SHISA9: variants seen among roughly 807,000 people sequenced by gnomAD.
SHISA9 encodes protein shisa-9.
In SHISA9, 13 loss-of-function variants were observed where a neutral mutation model predicts 38.0. The observed-to-expected ratio is 0.34, with a 90% CI of 0.22 to 0.54. The LOEUF (loss-of-function observed/expected upper bound fraction) is 0.54. Among genes scored for constraint, SHISA9 ranks in the 20% least tolerant of loss-of-function variants. SHISA9 has a pLI of 0.91. For missense variants in SHISA9, 538 were observed against 575.8 expected, an observed-to-expected ratio of 0.93 and a Z score of 0.67; for synonymous variants, 275 against 242.0, an observed-to-expected ratio of 1.14 and a Z score of -1.27.
intron 2 of SHISA9, among the ~76,000 whole-genome samples, chr16:13,001,918 G>C (rs775731094): frequency 1.3e-5 from 2 of 152,198 alleles, no homozygotes; most frequent in South Asian, 4.1e-4. Context: ...AATGTTAAAT[G>C]TGGAAGTTAG....
At position 12,942,506 on chromosome 16, in the gene SHISA9, T is replaced by A. The variant is rs944387180; in HGVS notation, c.691+25691T>A. On this transcript the variant is annotated intron_variant, in intron 2 of 4. Coordinates refer to ENST00000558583, the MANE Select transcript of SHISA9 (RefSeq NM_001145204.3). The stretch of plus-strand genomic sequence containing the variant: ...ATGCTCTGAACAGCAGCCTTATACA[T>A]CCCATTATTGAATTCGCTGCAAAGT... 2.0e-5 allele frequency among the ~76,000 whole-genome samples: 3 copies of A among 152,158 alleles called. No homozygotes were observed. In the East Asian group the frequency reaches 5.8e-4, roughly 29 times the overall value.
the SHISA9 span, among the ~76,000 whole-genome samples, chr16:13,305,879 A>G: frequency 1.3e-5 from 2 of 152,256 alleles, no homozygotes; most frequent in African/African-American, 4.8e-5. Flanking sequence ...ATAGACAATC[A>G]ATACAGTAAT....
chr16:13,049,158 G>GTA lies in SHISA9; in HGVS notation c.691+132344_691+132345insAT, dbSNP rs1380321370. On this transcript the variant is annotated intron_variant, in intron 2 of 4. Coordinates refer to ENST00000558583, the MANE Select transcript of SHISA9 (RefSeq NM_001145204.3). ...CATTCTAAGCTTTGGTTAGGAGTAT[G>GTA]TGTGTGTGTGTGTGTGTGTGTGTGT... is the stretch of plus-strand genomic sequence containing the variant. Among the ~76,000 whole-genome samples, 3 of 3,236 alleles carry GTA rather than the reference G, an allele frequency of 9.3e-4. No homozygotes were observed. The Admixed American group carries it at 0.011, about 12-fold the overall frequency. 2.1% of individuals were successfully genotyped at this position (3,236 alleles called of 152,430 possible). A position where few individuals can be genotyped will look rare whatever the true frequency, so the allele number is the denominator to read the frequency against.
chr16:13,143,997 G>A (rs770267909), intron 2 of SHISA9, among the ~76,000 whole-genome samples: 12 of 152,262 alleles, frequency 7.9e-5, no homozygotes, highest in African/African-American at 2.4e-4. Flanking sequence ...AATAAACTCA[G>A]TTGGTTAAAT....
At chr16:13,503,687 C>CAAA in the SHISA9 span, among the ~76,000 whole-genome samples, 195 of 148,298 alleles carry the variant, frequency 1.3e-3, no homozygotes, top group South Asian at 5.8e-3. Flanking sequence ...AAGGAGTGAC[C>CAAA]AAAAAAAAAA....
the SHISA9 span, among the ~76,000 whole-genome samples, chr16:13,266,699 T>C: frequency 6.6e-6 from 1 of 152,150 alleles, no homozygotes; most frequent in South Asian, 2.1e-4. Flanking sequence ...CTGGGGACCC[T>C]GCTGGAGGAG....
At chr16:12,935,367 G>A (rs1444454287) in intron 2 of SHISA9, among the ~76,000 whole-genome samples, 2 of 152,144 alleles carry the variant, frequency 1.3e-5, no homozygotes, top group Admixed American at 6.5e-5. Flanking sequence ...TCTAGATGCT[G>A]CTGATGATAT....
chr16:13,068,040 G>A (rs2073454937), intron 2 of SHISA9, among the ~76,000 whole-genome samples: 1 of 152,216 alleles, frequency 6.6e-6, no homozygotes, highest in Admixed American at 6.5e-5. Flanking sequence ...CATAATTGTG[G>A]GAGGGCCAAA....
At chr16:13,270,999 T>G in the SHISA9 span, among the ~76,000 whole-genome samples, 1 of 152,186 alleles carries the variant, frequency 6.6e-6, no homozygotes, top group Non-Finnish European at 1.5e-5. Context: ...AGTGGTACCA[T>G]TTCCTTGGGT....
At chr16:13,365,785 A>G in the SHISA9 span, among the ~76,000 whole-genome samples, 1 of 152,074 alleles carries the variant, frequency 6.6e-6, no homozygotes, top group Non-Finnish European at 1.5e-5. Flanking sequence ...TAATCTTCAC[A>G]TCTTATGGAT....
At chr16:13,532,559 G>A in the SHISA9 span, among the ~76,000 whole-genome samples, 10 of 48,884 alleles carry the variant, frequency 2.0e-4, no homozygotes, top group Non-Finnish European at 4.2e-4. Flanking sequence ...GTGTGTGTAT[G>A]TGTGTGTGTG....
chr16:13,347,692 G>A, the SHISA9 span, among the ~76,000 whole-genome samples: 3 of 152,098 alleles, frequency 2.0e-5, no homozygotes, highest in African/African-American at 7.2e-5. Flanking sequence ...TAAGAACACT[G>A]GGTTATTTCT....
chr16:13,416,762 GGAA>G, the SHISA9 span, among the ~76,000 whole-genome samples: 1,455 of 113,518 alleles, frequency 0.013, 72 homozygotes, highest in East Asian at 0.17. Flanking sequence ...AAGGAAGGAA[GGAA>G]GGAAGGAAGG....
the SHISA9 span, among the ~76,000 whole-genome samples, chr16:13,451,688 G>T: frequency 1.3e-5 from 2 of 152,180 alleles, no homozygotes; most frequent in Admixed American, 6.5e-5. Flanking sequence ...AAAATGCTTT[G>T]CACATTTATG....
At chr16:13,155,801 CT>C (rs1436389292) in intron 2 of SHISA9, among the ~76,000 whole-genome samples, 2 of 152,118 alleles carry the variant, frequency 1.3e-5, no homozygotes, top group African/African-American at 4.8e-5. Flanking sequence ...CCACTTCCCC[CT>C]CTCCCCCTAC....
At chr16:13,498,749 T>A in the SHISA9 span, among the ~76,000 whole-genome samples, 7 of 152,182 alleles carry the variant, frequency 4.6e-5, no homozygotes. Context: ...AGAGTGAGAC[T>A]CCATCTCAAA....
At chr16:13,522,910 G>A in the SHISA9 span, among the ~76,000 whole-genome samples, 2 of 152,140 alleles carry the variant, frequency 1.3e-5, no homozygotes, top group Non-Finnish European at 2.9e-5. Context: ...TATATTACAG[G>A]TATGGACAGA....
chr16:13,100,023 T>C (rs2073863370), intron 2 of SHISA9, among the ~76,000 whole-genome samples: 1 of 152,166 alleles, frequency 6.6e-6, no homozygotes, highest in African/African-American at 2.4e-5. Context: ...GCAGGAGGTC[T>C]GGGGACTGTA....
intron 2 of SHISA9, among the ~76,000 whole-genome samples, chr16:13,114,900 C>CTCCCTCCA (rs1555462900): frequency 6.7e-6 from 1 of 149,672 alleles, no homozygotes; most frequent in Non-Finnish European, 1.5e-5. Flanking sequence ...TTACATCTAA[C>CTCCCTCCA]TCCATCCATC....
Sources: allele counts gnomAD v4.1 joint callset (sites outside exome capture counted in the v4.1 genomes callset), GRCh38; gene constraint gnomAD v4.1.1; transcripts MANE v1.5; gene names NCBI Gene and HGNC (gene_info 2026-07-23, HGNC 2026-07-21).